The following CLEC16A variants were observed in gnomAD, a reference collection of about 807,000 sequenced individuals.
The protein encoded by CLEC16A is protein CLEC16A.
In CLEC16A, 51 loss-of-function variants were observed where a neutral mutation model predicts 109.5. The observed-to-expected ratio is 0.47, with a 90% CI of 0.37 to 0.59. CLEC16A has a LOEUF of 0.59. Among genes scored for constraint, CLEC16A ranks in the 20% least tolerant of loss-of-function variants. The probability of loss-of-function intolerance (pLI) is 0.00; values close to 1 mark genes in which losing one functional copy is unlikely to be tolerated. For synonymous variants in CLEC16A, 673 were observed against 564.2 expected, an observed-to-expected ratio of 1.19 and a Z score of -2.73; for missense variants, 1,339 against 1,394.0, an observed-to-expected ratio of 0.96 and a Z score of 0.63.
chr16:11,159,160 G>C lies in CLEC16A; in HGVS notation c.2642-7228G>C, dbSNP rs1038374969. Among the ~76,000 whole-genome samples, 6 of 152,356 alleles carry C rather than the reference G, an allele frequency of 3.9e-5. No individual in the cohort carries two copies. In the South Asian group the frequency reaches 1.2e-3, roughly 32 times the overall value. ...AGGTCCATGTTCTCCTGCAGCAGCA[G>C]TTAGAAGAAGCTGGAATCTGTGCTT... On this transcript the variant is annotated intron_variant, in intron 22 of 23. Transcript: ENST00000409790.
chr16:11,049,832 G>A (rs1405018697), intron 17 of CLEC16A, among the ~76,000 whole-genome samples: 1 of 152,238 alleles, frequency 6.6e-6, no homozygotes, highest in African/African-American at 2.4e-5. Context: ...GAAGGGAGCT[G>A]CAAGTGAATG....
chr16:11,048,680 C>T (rs1476752718), intron 17 of CLEC16A, among the ~76,000 whole-genome samples: 1 of 152,146 alleles, frequency 6.6e-6, no homozygotes, highest in East Asian at 1.9e-4. Flanking sequence ...TCTCCAGAAA[C>T]ACCCCAGCAG....
intron 22 of CLEC16A, chr16:11,126,820 A>G (rs1461627352): frequency 4.6e-5 from 7 of 152,386 alleles, no homozygotes; most frequent in Admixed American, 3.9e-4. Context: ...TTTGGTTGCA[A>G]AAGTTTAGAG....
At chr16:11,144,583 A>C (rs928977935) in intron 22 of CLEC16A, among the ~76,000 whole-genome samples, 3 of 152,174 alleles carry the variant, frequency 2.0e-5, no homozygotes, top group African/African-American at 7.2e-5. Flanking sequence ...TGCCTGTAGG[A>C]TCTTCCCCAG....
chr16:11,015,313 C>G (rs2045678597), intron 11 of CLEC16A, among the ~76,000 whole-genome samples: 1 of 150,890 alleles, frequency 6.6e-6, no homozygotes, highest in Non-Finnish European at 1.5e-5. Flanking sequence ...GGTTCTGCGT[C>G]AAGATGTGAC....
intron 9 of CLEC16A, among the ~76,000 whole-genome samples, chr16:10,979,789 A>G (rs1331731521): frequency 6.6e-6 from 1 of 152,138 alleles, no homozygotes; most frequent in Non-Finnish European, 1.5e-5. Context: ...TTGGTGTAAC[A>G]AACTTCCTGA....
At chr16:11,080,260 T>G (rs893207666) in intron 19 of CLEC16A, among the ~76,000 whole-genome samples, 1 of 152,218 alleles carries the variant, frequency 6.6e-6, no homozygotes, top group Admixed American at 6.5e-5. Context: ...AGTGATGCAC[T>G]TCAGCAGGTG....
rs1379090685 is a variant in CLEC16A, at chr16:11,174,646, G to A, written c.2807-3689G>A. 1.3e-5 allele frequency among the ~76,000 whole-genome samples: 2 copies of A among 152,284 alleles called. No homozygotes were observed. Among genetic ancestry groups the A allele is most frequent in the African/African-American group, 4.8e-5 (2 of 41,478 alleles). The stretch of plus-strand genomic sequence containing the variant: ...GCCAAGTCCCCCAGGGGTCCCCCCA[G>A]TTTAGGCCATGGGGGTTGGGCGGCA... On this transcript the variant is annotated intron_variant, in intron 23 of 23. Transcript: ENST00000409790. This position sits in a 1 kb window ranked among gnomAD's most constrained non-coding sequence, Gnocchi z 4.7.
chr16:11,167,255 T>C (rs1445338103), intron 23 of CLEC16A, among the ~76,000 whole-genome samples: 1 of 152,166 alleles, frequency 6.6e-6, no homozygotes, highest in Non-Finnish European at 1.5e-5. Context: ...GGAGCAGGGA[T>C]GAGCATCCAT....
chr16:11,092,385 C>T (rs2050359761), intron 19 of CLEC16A, among the ~76,000 whole-genome samples: 1 of 150,746 alleles, frequency 6.6e-6, no homozygotes, highest in South Asian at 2.1e-4. Flanking sequence ...CACACACACA[C>T]ACACACACAC....
chr16:10,949,024 A>G lies in CLEC16A; in HGVS notation c.80+4227A>G, dbSNP rs757060428. On this transcript the variant is annotated intron_variant, in intron 1 of 23. Transcript: ENST00000409790. Reference sequence around the variant, plus strand: ...GGATCTGATTGGCCATTCCTCACTCATATTCCCTTCCCTGGAGCAAGAGTG... The same window carrying G: ...GGATCTGATTGGCCATTCCTCACTCGTATTCCCTTCCCTGGAGCAAGAGTG... Among the ~76,000 whole-genome samples, 147 of 152,256 alleles carry G rather than the reference A, an allele frequency of 9.7e-4. No individual in the cohort carries two copies. In the Middle Eastern group the frequency reaches 0.01, roughly 11 times the overall value.
intron 22 of CLEC16A, among the ~76,000 whole-genome samples, chr16:11,163,128 G>A (rs2054784864): frequency 6.6e-6 from 1 of 152,238 alleles, no homozygotes; most frequent in Non-Finnish European, 1.5e-5. Flanking sequence ...GCCAAAGCTA[G>A]TTCATCAGGG....
chr16:11,099,420 G>A (rs952289406), intron 19 of CLEC16A, among the ~76,000 whole-genome samples: 18 of 152,226 alleles, frequency 1.2e-4, no homozygotes, highest in Non-Finnish European at 2.5e-4. Flanking sequence ...GTGCTCAGTC[G>A]TGGATAGCAA....
chr16:11,178,803 C>T lies in CLEC16A; in HGVS notation c.*113C>T. The T allele has an allele frequency of 1.3e-6, 1 of 760,164 alleles. No individual in the cohort carries two copies. The highest frequency in any genetic ancestry group is 2.0e-6 in the Non-Finnish European group (1 of 489,362). The allele number at this position is 760,164 out of a possible 1,614,324, so 47.1% of individuals were successfully genotyped here. A position where few individuals can be genotyped will look rare whatever the true frequency, so the allele number is the denominator to read the frequency against. ...ACCATTCTGTGCGGCCCCCAGCAGCCATCTCAACCACCTATCCCTGCGCTC... is the reference window on the plus strand; with the variant it reads ...ACCATTCTGTGCGGCCCCCAGCAGCTATCTCAACCACCTATCCCTGCGCTC... On this transcript the variant is annotated 3_prime_UTR_variant, in exon 24 of 24. Transcript: ENST00000409790. The surrounding 1 kb of genome is among the most constrained non-coding windows in gnomAD (Gnocchi z 6.5).
At chr16:11,163,968 G>A in intron 22 of CLEC16A, among the ~76,000 whole-genome samples, 1 of 152,330 alleles carries the variant, frequency 6.6e-6, no homozygotes, top group African/African-American at 2.4e-5. Context: ...TGATTAAGAA[G>A]TGAGCAGCTA....
At chr16:11,032,993 G>A (rs550062618) in intron 13 of CLEC16A, among the ~76,000 whole-genome samples, 2 of 152,300 alleles carry the variant, frequency 1.3e-5, no homozygotes, top group South Asian at 2.1e-4. Flanking sequence ...ACTGGGGGTG[G>A]GGATGAGTTG....
intron 13 of CLEC16A, among the ~76,000 whole-genome samples, chr16:11,036,999 T>G (rs1453574951): frequency 6.6e-6 from 1 of 152,248 alleles, no homozygotes; most frequent in African/African-American, 2.4e-5. Context: ...GTGACAGTGC[T>G]TTTTCTCTTT....
At chr16:10,950,840 C>G (rs977365262) in intron 1 of CLEC16A, among the ~76,000 whole-genome samples, 10 of 152,196 alleles carry the variant, frequency 6.6e-5, no homozygotes, top group Admixed American at 5.9e-4. Flanking sequence ...ATTTCTAACC[C>G]CCAGACCTCC....
At position 10,961,355 on chromosome 16, in the gene CLEC16A, C is replaced by T. The variant is rs1169984391; in HGVS notation, c.210-1100C>T. On this transcript the variant is annotated intron_variant, in intron 2 of 23. Coordinates refer to ENST00000409790, the MANE Select transcript of CLEC16A (RefSeq NM_015226.3). This position sits in a 1 kb window ranked among gnomAD's most constrained non-coding sequence, Gnocchi z 4.3. Reference sequence around the variant, plus strand: ...AGGCAGCACTGAGTAAGTTCCAGGCCCATGACCTCACCACTGTGGAGATGC... The same window carrying T: ...AGGCAGCACTGAGTAAGTTCCAGGCTCATGACCTCACCACTGTGGAGATGC... Among the ~76,000 whole-genome samples, 2 of 152,116 alleles carry T rather than the reference C, an allele frequency of 1.3e-5. No homozygotes were observed. The highest frequency in any genetic ancestry group is 1.9e-4 in the East Asian group (1 of 5,194).
Sources: gnomAD v4.1 joint callset for allele counts (sites outside exome capture counted in the v4.1 genomes callset) on GRCh38, gnomAD v4.1.1 for gene constraint, Gnocchi (gnomAD v3.1) non-coding constraint, MANE v1.5 for transcripts, NCBI Gene and HGNC (gene_info 2026-07-23, HGNC 2026-07-21) for gene names.